The following SIPA1L3 variants were observed in gnomAD, a reference collection of about 807,000 sequenced individuals.
SIPA1L3 encodes the protein signal-induced proliferation-associated 1-like protein 3.
SIPA1L3 carries 59 observed loss-of-function variants against 150.1 expected under a neutral mutation model. The ratio of observed to expected loss-of-function variants is 0.39; its 90% CI spans 0.32 to 0.49. The LOEUF is 0.49. Among genes scored for constraint, SIPA1L3 ranks in the 20% least tolerant of loss-of-function variants. The probability of loss-of-function intolerance (pLI) is 0.86; values close to 1 mark genes in which losing one functional copy is unlikely to be tolerated. For missense variants in SIPA1L3, 2,211 were observed against 2,489.5 expected (o/e 0.89, Z 2.38); for synonymous variants, 1,070 against 1,077.6 (o/e 0.99, Z 0.14).
intron 1 of SIPA1L3, among the ~76,000 whole-genome samples, chr19:37,948,762 G>T (rs1372733278): frequency 6.6e-6 from 1 of 152,174 alleles, no homozygotes; most frequent in East Asian, 1.9e-4. Flanking sequence ...GTTATGTAGT[G>T]AGAAGTGCTA....
intron 1 of SIPA1L3, among the ~76,000 whole-genome samples, chr19:37,986,996 C>T (rs561620789): frequency 1.3e-5 from 2 of 152,164 alleles, no homozygotes; most frequent in East Asian, 1.9e-4. Context: ...GGTGCGATCT[C>T]GGCTCACTGC....
intron 1 of SIPA1L3, among the ~76,000 whole-genome samples, chr19:38,027,740 C>A (rs1339726756): frequency 6.6e-6 from 1 of 150,704 alleles, no homozygotes; most frequent in African/African-American, 2.4e-5. Context: ...TGGTCTTGAA[C>A]TTCTGAGCTC....
intron 2 of SIPA1L3, among the ~76,000 whole-genome samples, chr19:38,061,590 T>C (rs1347052299): frequency 2.0e-5 from 3 of 151,520 alleles, no homozygotes; most frequent in Non-Finnish European, 4.4e-5. Flanking sequence ...GCAAGAGATA[T>C]AGAGAAAAAC....
At chr19:38,051,295 A>T (rs1201318968) in intron 2 of SIPA1L3, among the ~76,000 whole-genome samples, 1 of 152,142 alleles carries the variant, frequency 6.6e-6, no homozygotes, top group Non-Finnish European at 1.5e-5. Context: ...CTTTTTAATG[A>T]CTGCCTGTAT....
At chr19:37,997,892 A>G (rs1967682222) in intron 1 of SIPA1L3, among the ~76,000 whole-genome samples, 1 of 151,370 alleles carries the variant, frequency 6.6e-6, no homozygotes, top group Admixed American at 6.6e-5. Flanking sequence ...GAAAAGAAAA[A>G]GAGAGAGAGA....
chr19:38,157,139 G>A (rs1053945278), intron 13 of SIPA1L3, among the ~76,000 whole-genome samples: 7 of 152,052 alleles, frequency 4.6e-5, no homozygotes, highest in African/African-American at 1.4e-4. Flanking sequence ...CAGCCTGGCC[G>A]ACAGAGCAAC....
intron 2 of SIPA1L3, 22 bp from the exon 3 acceptor site, chr19:38,081,234 T>C (rs1288077665): frequency 2.0e-5 from 8 of 408,026 alleles, no homozygotes; most frequent in Non-Finnish European, 3.5e-5. Context: ...GCAGCTCATA[T>C]TTTCCTTTTC....
chr19:38,007,228 G>A (rs1259942130), intron 1 of SIPA1L3, among the ~76,000 whole-genome samples: 1 of 152,196 alleles, frequency 6.6e-6, no homozygotes, highest in Non-Finnish European at 1.5e-5. Context: ...CAAGGCAGAC[G>A]GATCATTTGA....
intron 2 of SIPA1L3, among the ~76,000 whole-genome samples, chr19:38,031,493 A>G (rs536781433): frequency 2.0e-5 from 3 of 152,284 alleles, no homozygotes; most frequent in South Asian, 2.1e-4. Flanking sequence ...GGGTGTTTCA[A>G]CTTGGGTTTT....
At chr19:38,105,094 A>T (rs1464669703) in intron 6 of SIPA1L3, among the ~76,000 whole-genome samples, 1 of 151,832 alleles carries the variant, frequency 6.6e-6, no homozygotes, top group Non-Finnish European at 1.5e-5. Flanking sequence ...ACAGTGGCTC[A>T]CGCCTGTAAT....
chr19:38,080,429 A>G (rs1315099514), intron 2 of SIPA1L3, among the ~76,000 whole-genome samples: 3 of 152,198 alleles, frequency 2.0e-5, no homozygotes, highest in Non-Finnish European at 2.9e-5. Flanking sequence ...ATCAAAATAA[A>G]GGAAGGTGGC....
At chr19:38,189,338 G>A (rs866084787) in intron 16 of SIPA1L3, among the ~76,000 whole-genome samples, 2 of 152,030 alleles carry the variant, frequency 1.3e-5, no homozygotes, top group South Asian at 2.1e-4. Context: ...TACCCAGGCT[G>A]GTCTCACACT....
intron 1 of SIPA1L3, among the ~76,000 whole-genome samples, chr19:37,926,149 T>C (rs1053713104): frequency 6.6e-6 from 1 of 152,130 alleles, no homozygotes; most frequent in African/African-American, 2.4e-5. Context: ...CAGCTTCCTT[T>C]CAGGAACATG....
intron 1 of SIPA1L3, among the ~76,000 whole-genome samples, chr19:38,005,630 G>A (rs568376520): frequency 6.6e-6 from 1 of 152,124 alleles, no homozygotes; most frequent in African/African-American, 2.4e-5. Flanking sequence ...CTTAATGTCA[G>A]CTCCATAAAG....
At chr19:38,132,649 CTT>C (rs369240780) in intron 10 of SIPA1L3, among the ~76,000 whole-genome samples, 6 of 142,342 alleles carry the variant, frequency 4.2e-5, no homozygotes, top group Admixed American at 1.4e-4. Context: ...TCTTGAGGCT[CTT>C]TTTTTTTTTG....
chr19:38,037,836 A>G (rs1968825567), intron 2 of SIPA1L3, among the ~76,000 whole-genome samples: 1 of 152,154 alleles, frequency 6.6e-6, no homozygotes, highest in Non-Finnish European at 1.5e-5. Context: ...TTAAGCAGTC[A>G]GGCCCCCCAC....
chr19:37,943,820 T>A (rs1201065012), intron 1 of SIPA1L3, among the ~76,000 whole-genome samples: 1 of 152,184 alleles, frequency 6.6e-6, no homozygotes, highest in Non-Finnish European at 1.5e-5. Context: ...TAGCGTGGTC[T>A]CCTGTGGAAA....
At chr19:37,938,199 T>C (rs1261950121) in intron 1 of SIPA1L3, among the ~76,000 whole-genome samples, 4 of 152,240 alleles carry the variant, frequency 2.6e-5, no homozygotes, top group African/African-American at 4.8e-5. Context: ...TGGCTGAATA[T>C]ACCATGTTTT....
At chr19:37,954,328 G>A (rs935502149) in intron 1 of SIPA1L3, among the ~76,000 whole-genome samples, 8 of 151,994 alleles carry the variant, frequency 5.3e-5, no homozygotes, top group African/African-American at 1.9e-4. Context: ...CTTAAGTCAG[G>A]GAAAGACAGG....
Sources: gnomAD v4.1 joint callset for allele counts (sites outside exome capture counted in the v4.1 genomes callset) on GRCh38, gnomAD v4.1.1 for gene constraint, MANE v1.5 for transcripts, NCBI Gene and HGNC (gene_info 2026-07-23, HGNC 2026-07-21) for gene names.